The following C12orf54 variants were observed in gnomAD, a reference collection of about 807,000 sequenced individuals.
C12orf54 encodes uncharacterized protein C12orf54.
Under a neutral mutation model 26.4 loss-of-function variants are expected in C12orf54, and 24 were observed. The ratio of observed to expected loss-of-function variants is 0.91; its 90% CI spans 0.66 to 1.28. The LOEUF (loss-of-function observed/expected upper bound fraction) is 1.28, where lower values mean the gene tolerates loss of function less well. Among genes scored for constraint, C12orf54 ranks in the 50% most tolerant of loss-of-function variants. C12orf54 has a pLI of 0.00. For synonymous variants in C12orf54, 54 were observed against 47.0 expected, an observed-to-expected ratio of 1.15 and a Z score of -0.61; for missense variants, 154 against 150.9, an observed-to-expected ratio of 1.02 and a Z score of -0.11.
At chr12:48,425,034 T>G in the C12orf54 span, among the ~76,000 whole-genome samples, 1 of 152,118 alleles carries the variant, frequency 6.6e-6, no homozygotes, top group Non-Finnish European at 1.5e-5. Context: ...ATTGGTGAAT[T>G]ATATGTAGGC....
intron 4 of C12orf54, among the ~76,000 whole-genome samples, chr12:48,486,974 T>C (rs1454706073): frequency 6.6e-6 from 1 of 152,192 alleles, no homozygotes; most frequent in Non-Finnish European, 1.5e-5. Flanking sequence ...GTCCTGTTTG[T>C]TTTAAGGGTG....
chr12:48,477,038 C>A, the C12orf54 span, among the ~76,000 whole-genome samples: 2 of 152,298 alleles, frequency 1.3e-5, no homozygotes, highest in African/African-American at 4.8e-5. Flanking sequence ...GAAATAATAA[C>A]AAACTATCTC....
the C12orf54 span, among the ~76,000 whole-genome samples, chr12:48,438,181 G>T: frequency 6.6e-6 from 1 of 152,126 alleles, no homozygotes; most frequent in African/African-American, 2.4e-5. Flanking sequence ...AAATACCTAG[G>T]AATCTAACTT....
the C12orf54 span, among the ~76,000 whole-genome samples, chr12:48,435,045 C>A: frequency 6.6e-6 from 1 of 152,076 alleles, no homozygotes; most frequent in Non-Finnish European, 1.5e-5. Context: ...ACTAGAATAA[C>A]CAATGCAGAG....
chr12:48,440,859 T>C, the C12orf54 span, among the ~76,000 whole-genome samples: 1 of 152,198 alleles, frequency 6.6e-6, no homozygotes, highest in African/African-American at 2.4e-5. Flanking sequence ...AGAATCTAAT[T>C]CTGACTGACT....
At chr12:48,494,654 G>A in intron 7 of C12orf54, 144 bp from the exon 8 acceptor site, 1 of 858,782 alleles carries the variant, frequency 1.2e-6, no homozygotes, top group Admixed American at 2.7e-5. Context: ...CATCCATCAG[G>A]AAATTGCAAC....
At chr12:48,459,648 A>G in the C12orf54 span, among the ~76,000 whole-genome samples, 1 of 152,166 alleles carries the variant, frequency 6.6e-6, no homozygotes, top group Non-Finnish European at 1.5e-5. Context: ...TATTCTCTAG[A>G]AAGACTCACA....
At chr12:48,486,122 G>A in intron 2 of C12orf54, 56 bp from the exon 3 acceptor site, 6 of 1,506,734 alleles carry the variant, frequency 4.0e-6, no homozygotes, top group East Asian at 4.5e-5. Context: ...GTTAGGAGAA[G>A]GCTTTAGCCC....
At chr12:48,424,468 G>T in the C12orf54 span, among the ~76,000 whole-genome samples, 3 of 152,066 alleles carry the variant, frequency 2.0e-5, no homozygotes, top group African/African-American at 7.2e-5. Context: ...CGGACCTGGA[G>T]TTGTCTTCAT....
At chr12:48,428,710 G>A in the C12orf54 span, among the ~76,000 whole-genome samples, 1 of 151,974 alleles carries the variant, frequency 6.6e-6, no homozygotes, top group Non-Finnish European at 1.5e-5. Context: ...CCAGGACCAG[G>A]CAGAATCACA....
At chr12:48,430,559 C>A in the C12orf54 span, among the ~76,000 whole-genome samples, 1 of 152,098 alleles carries the variant, frequency 6.6e-6, no homozygotes, top group African/African-American at 2.4e-5. Context: ...TAATGCTCAA[C>A]TAATGATCAG....
At chr12:48,435,011 G>GA in the C12orf54 span, among the ~76,000 whole-genome samples, 3 of 151,652 alleles carry the variant, frequency 2.0e-5, no homozygotes, top group South Asian at 2.1e-4. Flanking sequence ...TAAAAACTTT[G>GA]AAAAAAAATT....
the C12orf54 span, among the ~76,000 whole-genome samples, chr12:48,467,425 T>TACAC: frequency 6.6e-6 from 1 of 152,070 alleles, no homozygotes; most frequent in East Asian, 1.9e-4. Flanking sequence ...ATGAAATGAA[T>TACAC]ACACCACATG....
chr12:48,482,503 G>A lies in C12orf54; in HGVS notation c.-131G>A, dbSNP rs1954208513. 6.6e-6 allele frequency: 1 copy of A among 152,238 alleles called. No individual in the cohort carries two copies. The highest frequency in any genetic ancestry group is 1.5e-5 in the Non-Finnish European group (1 of 68,080). 9.4% of individuals were successfully genotyped at this position (152,238 alleles called of 1,614,324 possible). A position where few individuals can be genotyped will look rare whatever the true frequency, so the allele number is the denominator to read the frequency against. On this transcript the variant is annotated 5_prime_UTR_variant, in exon 1 of 9. Transcript: ENST00000548364. Reference sequence around the variant, plus strand: ...TGATATGGGAACAGGAGGCTGTTGTGAGATGGGGCTCAAATAGGAAAAAGT... The same window carrying A: ...TGATATGGGAACAGGAGGCTGTTGTAAGATGGGGCTCAAATAGGAAAAAGT...
At chr12:48,420,081 G>T in the C12orf54 span, among the ~76,000 whole-genome samples, 317 of 149,006 alleles carry the variant, frequency 2.1e-3, 3 homozygotes, top group African/African-American at 7.3e-3. Flanking sequence ...TCCACAGTTG[G>T]TTTTTTTTTT....
chr12:48,426,088 A>T, the C12orf54 span, among the ~76,000 whole-genome samples: 1 of 152,112 alleles, frequency 6.6e-6, no homozygotes, highest in African/African-American at 2.4e-5. Context: ...CTCAAGTGTA[A>T]TTAGATCCCA....
chr12:48,436,780 C>G, the C12orf54 span, among the ~76,000 whole-genome samples: 1 of 152,126 alleles, frequency 6.6e-6, no homozygotes, highest in Non-Finnish European at 1.5e-5. Flanking sequence ...ATTTATAGCA[C>G]TAAATGCCCA....
At chr12:48,471,858 G>GT in the C12orf54 span, among the ~76,000 whole-genome samples, 3 of 152,052 alleles carry the variant, frequency 2.0e-5, no homozygotes, top group Non-Finnish European at 4.4e-5. Flanking sequence ...ATTCAGAGTA[G>GT]TTTTTTTCTA....
upstream of C12orf54, among the ~76,000 whole-genome samples, chr12:48,482,215 T>C (rs955466154): frequency 6.6e-6 from 1 of 152,248 alleles, no homozygotes; most frequent in Non-Finnish European, 1.5e-5. Flanking sequence ...TCAGACCTGA[T>C]TTTGAAATTC....
Sources: gnomAD v4.1 joint callset for allele counts (sites outside exome capture counted in the v4.1 genomes callset) on GRCh38, gnomAD v4.1.1 for gene constraint, MANE v1.5 for transcripts, NCBI Gene and HGNC (gene_info 2026-07-23, HGNC 2026-07-21) for gene names.